Variants in PTPN14 observed in about 807,000 individuals in gnomAD.
The protein encoded by PTPN14 is tyrosine-protein phosphatase non-receptor type 14.
In PTPN14, 53 loss-of-function variants were observed where a neutral mutation model predicts 126.8. The observed-to-expected ratio is 0.42, with a 90% CI of 0.34 to 0.53. PTPN14 has a LOEUF of 0.53. Ranked by LOEUF, PTPN14 falls within the 20% of genes least tolerant of loss-of-function variation. The pLI is 0.08. For missense variants in PTPN14, 1,257 were observed against 1,552.9 expected (o/e 0.81, Z 3.20); for synonymous variants, 630 against 599.3 (o/e 1.05, Z -0.75).
intron 1 of PTPN14, among the ~76,000 whole-genome samples, chr1:214,546,602 G>T (rs1655975017): frequency 6.6e-6 from 1 of 152,108 alleles, no homozygotes; most frequent in African/African-American, 2.4e-5. Flanking sequence ...ACGTGAAGAG[G>T]ATATTTTTCT....
At chr1:214,399,792 C>T (rs1045991577) in intron 7 of PTPN14, among the ~76,000 whole-genome samples, 1 of 152,100 alleles carries the variant, frequency 6.6e-6, no homozygotes, top group African/African-American at 2.4e-5. Flanking sequence ...CTCCTGTCCC[C>T]GACTTACCAT....
At chr1:214,419,727 C>T (rs1368670448) in intron 3 of PTPN14, among the ~76,000 whole-genome samples, 2 of 152,048 alleles carry the variant, frequency 1.3e-5, no homozygotes, top group Admixed American at 6.6e-5. Context: ...TCCTAGAGTC[C>T]TGGGGTACAG....
intron 13 of PTPN14, among the ~76,000 whole-genome samples, chr1:214,382,307 G>A (rs982200747): frequency 1.3e-5 from 2 of 151,524 alleles, no homozygotes; most frequent in South Asian, 4.2e-4. Flanking sequence ...CAACTTAACT[G>A]TCTCCCCAAA....
At chr1:214,515,640 G>A (rs959269990) in intron 1 of PTPN14, among the ~76,000 whole-genome samples, 6 of 152,068 alleles carry the variant, frequency 3.9e-5, no homozygotes, top group Admixed American at 6.6e-5. Context: ...TGTCATTGAC[G>A]TTTTGTGGTT....
chr1:214,489,193 A>T (rs149907903), intron 1 of PTPN14, among the ~76,000 whole-genome samples: 1 of 152,188 alleles, frequency 6.6e-6, no homozygotes, highest in Non-Finnish European at 1.5e-5. Context: ...TCAGTTTGTT[A>T]TATCATTTGG....
intron 3 of PTPN14, among the ~76,000 whole-genome samples, chr1:214,430,134 G>T (rs965798876): frequency 2.0e-5 from 3 of 152,146 alleles, no homozygotes; most frequent in African/African-American, 7.2e-5. Flanking sequence ...TATCCTTGAG[G>T]ACTTTGCATT....
chr1:214,432,144 T>C (rs1189174440), intron 3 of PTPN14, among the ~76,000 whole-genome samples: 3 of 151,992 alleles, frequency 2.0e-5, no homozygotes, highest in Admixed American at 6.6e-5. Context: ...TGAGCTATGA[T>C]TGCAACACTG....
intron 3 of PTPN14, among the ~76,000 whole-genome samples, chr1:214,427,929 G>A (rs750103911): frequency 6.6e-6 from 1 of 152,184 alleles, no homozygotes; most frequent in African/African-American, 2.4e-5. Context: ...GTAGCAAAGA[G>A]TGAGCAAGAG....
chr1:214,413,200 A>G (rs1659348871), intron 4 of PTPN14, among the ~76,000 whole-genome samples: 2 of 152,158 alleles, frequency 1.3e-5, no homozygotes, highest in East Asian at 3.9e-4. Context: ...TTAAAAGAAG[A>G]AAGACCCAAT....
At chr1:214,506,346 T>C (rs1654843559) in intron 1 of PTPN14, among the ~76,000 whole-genome samples, 1 of 151,566 alleles carries the variant, frequency 6.6e-6, no homozygotes, top group Non-Finnish European at 1.5e-5. Context: ...TCTTAAATTT[T>C]TTTTTTTAAA....
chr1:214,386,979 C>T, intron 11 of PTPN14, 57 bp from the exon 12 acceptor site: 1 of 1,461,576 alleles, frequency 6.8e-7, no homozygotes. Context: ...GCTGGTGACT[C>T]ACACAGCCGG....
intron 5 of PTPN14, among the ~76,000 whole-genome samples, chr1:214,410,338 A>T (rs1170162629): frequency 6.8e-6 from 1 of 146,044 alleles, no homozygotes; most frequent in Non-Finnish European, 1.5e-5. Context: ...CTTTGTGGCC[A>T]GGCTGGAGTG....
chr1:214,441,207 T>C (rs1660030979), intron 3 of PTPN14, among the ~76,000 whole-genome samples: 1 of 152,226 alleles, frequency 6.6e-6, no homozygotes, highest in Admixed American at 6.5e-5. Flanking sequence ...AGAGTTCTAG[T>C]GAAGACTGAA....
chr1:214,533,862 G>A (rs1655628009), intron 1 of PTPN14, among the ~76,000 whole-genome samples: 1 of 147,936 alleles, frequency 6.8e-6, no homozygotes, highest in African/African-American at 2.5e-5. Flanking sequence ...AAAAAAGAGA[G>A]AGAAAAAGAA....
chr1:214,482,891 CTTTACAG>C, intron 1 of PTPN14: 1 of 1,591,058 alleles, frequency 6.3e-7, no homozygotes, highest in South Asian at 1.1e-5. Flanking sequence ...GATTCATATT[CTTTACAG>C]CTGATACAGC....
At chr1:214,452,099 C>T in intron 2 of PTPN14, 125 bp from the exon 3 acceptor site, 1 of 1,024,306 alleles carries the variant, frequency 9.8e-7, no homozygotes, top group Admixed American at 2.6e-5. Flanking sequence ...TAAGATCCAG[C>T]TTTGACATAT....
At position 214,364,273 on chromosome 1, in the gene PTPN14, C is replaced by G. The variant is rs1037085213; in HGVS notation, c.3435+239G>C. On this transcript the variant is annotated intron_variant, in intron 18 of 18. Transcript: ENST00000366956. The surrounding 1 kb of genome is among the most constrained non-coding windows in gnomAD (Gnocchi z 4.1). ...TAAGATCACATTTTCTAAGTGTTTTCTATTGCACACCCTCATTTCTCCTGT... is the reference window on the plus strand; with the variant it reads ...TAAGATCACATTTTCTAAGTGTTTTGTATTGCACACCCTCATTTCTCCTGT... 6.6e-6 allele frequency among the ~76,000 whole-genome samples: 1 copy of G among 152,082 alleles called. No individual in the cohort carries two copies. Among genetic ancestry groups the G allele is most frequent in the Non-Finnish European group, 1.5e-5 (1 of 68,020 alleles).
intron 3 of PTPN14, among the ~76,000 whole-genome samples, chr1:214,442,422 T>C (rs182493705): frequency 6.6e-6 from 1 of 152,338 alleles, no homozygotes; most frequent in East Asian, 1.9e-4. Context: ...GTAAACTTTG[T>C]TTTTCTAATG....
chr1:214,400,792 A>C (rs923096034), intron 7 of PTPN14, among the ~76,000 whole-genome samples: 2 of 152,222 alleles, frequency 1.3e-5, no homozygotes, highest in African/African-American at 2.4e-5. Context: ...AAACAAATCT[A>C]AAAAAGAGCC....
Sources: gnomAD v4.1 joint callset for allele counts (sites outside exome capture counted in the v4.1 genomes callset) on GRCh38, gnomAD v4.1.1 for gene constraint, Gnocchi (gnomAD v3.1) non-coding constraint, MANE v1.5 for transcripts, NCBI Gene and HGNC (gene_info 2026-07-23, HGNC 2026-07-21) for gene names.